NCKAP5: variants seen among roughly 807,000 people sequenced by gnomAD.
NCKAP5 encodes NCK associated protein 5.
A neutral mutation model predicts 167.0 loss-of-function variants in NCKAP5; 92 were observed. That is an observed-to-expected ratio of 0.55 (90% CI 0.47 to 0.66). The LOEUF (loss-of-function observed/expected upper bound fraction) is 0.66. NCKAP5 is among the 30% of genes least tolerant of loss of function. The pLI, the probability that NCKAP5 is intolerant of heterozygous loss-of-function variation, is 0.00. For missense variants in NCKAP5, 2,378 were observed against 2,315.0 expected, an observed-to-expected ratio of 1.03 and a Z score of -0.56; for synonymous variants, 891 against 877.4, an observed-to-expected ratio of 1.02 and a Z score of -0.27.
At chr2:133,651,292 A>C in the NCKAP5 span, among the ~76,000 whole-genome samples, 1 of 152,324 alleles carries the variant, frequency 6.6e-6, no homozygotes, top group African/African-American at 2.4e-5. Flanking sequence ...GACTCCTGCT[A>C]TTCAAGAGTA....
At chr2:133,293,187 A>G (rs866981611) in intron 4 of NCKAP5, among the ~76,000 whole-genome samples, 1 of 152,222 alleles carries the variant, frequency 6.6e-6, no homozygotes, top group African/African-American at 2.4e-5. Context: ...TTTAGAGTGA[A>G]GAGGAAGGGA....
At chr2:133,291,811 A>G (rs75523918) in intron 4 of NCKAP5, among the ~76,000 whole-genome samples, 1,856 of 152,330 alleles carry the variant, frequency 0.012, 41 homozygotes, top group African/African-American at 0.043. Context: ...ACACAGCTCT[A>G]CCAACGACTT....
chr2:133,407,921 C>A (rs760157576), intron 3 of NCKAP5, among the ~76,000 whole-genome samples: 1 of 152,166 alleles, frequency 6.6e-6, no homozygotes, highest in African/African-American at 2.4e-5. Context: ...GAAAGTCTCA[C>A]GATCCTAGGT....
At chr2:133,589,412 T>A in the NCKAP5 span, among the ~76,000 whole-genome samples, 915 of 152,174 alleles carry the variant, frequency 6.0e-3, 29 homozygotes, top group Admixed American at 0.053. Context: ...CACGGGGGAA[T>A]TGGGAGTCTG....
chr2:133,037,163 T>C (rs2079065261), intron 6 of NCKAP5, among the ~76,000 whole-genome samples: 2 of 152,092 alleles, frequency 1.3e-5, no homozygotes, highest in African/African-American at 4.8e-5. Context: ...CATCAATAAA[T>C]GGAATAACAT....
At chr2:133,058,414 A>G (rs1006940414) in intron 6 of NCKAP5, among the ~76,000 whole-genome samples, 2 of 152,224 alleles carry the variant, frequency 1.3e-5, no homozygotes, top group African/African-American at 4.8e-5. Flanking sequence ...CATGAAGAAC[A>G]TTTGTGATTC....
chr2:132,882,940 C>A (rs1691883465), intron 8 of NCKAP5, among the ~76,000 whole-genome samples: 1 of 152,014 alleles, frequency 6.6e-6, no homozygotes, highest in African/African-American at 2.4e-5. Context: ...CACCTATAAT[C>A]TCAGCACTTT....
rs186110434 is a variant in NCKAP5, at chr2:133,263,800, G to A, written c.143+39237C>T. ...GGTAAAAATGACCAAAACCTTGATT[G>A]TCTTCATTATGGCTCACATAAGGCA... On this transcript the variant is annotated intron_variant, in intron 4 of 19. Coordinates refer to ENST00000409261, the MANE Select transcript of NCKAP5 (RefSeq NM_207363.3). Among the ~76,000 whole-genome samples, 311 of 152,218 alleles carry A rather than the reference G, an allele frequency of 2.0e-3. 1 individual carries two copies. Among genetic ancestry groups the A allele is most frequent in the Non-Finnish European group, 2.6e-3 (176 of 68,010 alleles).
chr2:133,315,979 G>A (rs1681581733), intron 3 of NCKAP5, among the ~76,000 whole-genome samples: 1 of 152,150 alleles, frequency 6.6e-6, no homozygotes, highest in Non-Finnish European at 1.5e-5. Flanking sequence ...TGGGGCTACG[G>A]AGGCCCTTGG....
intron 4 of NCKAP5, among the ~76,000 whole-genome samples, chr2:133,292,178 C>A (rs577871549): frequency 6.6e-6 from 1 of 151,970 alleles, no homozygotes; most frequent in Non-Finnish European, 1.5e-5. Flanking sequence ...TATATCCTAA[C>A]GGTACCTTTT....
At chr2:133,671,006 G>A in the NCKAP5 span, among the ~76,000 whole-genome samples, 3 of 152,032 alleles carry the variant, frequency 2.0e-5, no homozygotes, top group Non-Finnish European at 4.4e-5. Flanking sequence ...ACGAGGTCAG[G>A]AGATCGACAC....
At chr2:133,271,974 TTTA>T (rs1465726828) in intron 4 of NCKAP5, among the ~76,000 whole-genome samples, 1 of 152,132 alleles carries the variant, frequency 6.6e-6, no homozygotes, top group Non-Finnish European at 1.5e-5. Context: ...AGATAAATAT[TTTA>T]TTATTCTGGT....
At chr2:133,429,960 T>C (rs1690053472) in intron 3 of NCKAP5, among the ~76,000 whole-genome samples, 1 of 152,218 alleles carries the variant, frequency 6.6e-6, no homozygotes, top group Non-Finnish European at 1.5e-5. Context: ...GTGTTCCCTT[T>C]TTCTCCACAA....
At chr2:133,320,369 G>A (rs1056596488) in intron 3 of NCKAP5, among the ~76,000 whole-genome samples, 1 of 152,040 alleles carries the variant, frequency 6.6e-6, no homozygotes, top group Admixed American at 6.6e-5. Flanking sequence ...CACTTGTCAC[G>A]GGGCTCTCTA....
At chr2:133,153,929 A>C (rs34272763) in intron 5 of NCKAP5, among the ~76,000 whole-genome samples, 31,735 of 141,054 alleles carry the variant, frequency 0.22, 3,519 homozygotes, top group Middle Eastern at 0.27. Context: ...TCCTCCCCCC[A>C]AGAAGGGTTC....
chr2:133,226,354 A>T (rs922354430), intron 4 of NCKAP5, among the ~76,000 whole-genome samples: 1 of 152,156 alleles, frequency 6.6e-6, no homozygotes, highest in Non-Finnish European at 1.5e-5. Context: ...TACAATGATG[A>T]GTGAGACTCA....
chr2:132,789,981 G>A (rs1282020448), intron 13 of NCKAP5, 42 bp downstream of exon 13: 2 of 1,552,036 alleles, frequency 1.3e-6, no homozygotes, highest in African/African-American at 1.4e-5. Flanking sequence ...CCTACCAGAA[G>A]AGGATTCTTT....
At chr2:133,260,194 G>A (rs979608009) in intron 4 of NCKAP5, among the ~76,000 whole-genome samples, 10 of 152,140 alleles carry the variant, frequency 6.6e-5, no homozygotes, top group African/African-American at 1.2e-4. Context: ...TTCAATATTA[G>A]AATAAAGAAC....
Position 133,019,929 on chromosome 2 carries a change from C to G in NCKAP5, c.342-25690G>C, listed in dbSNP as rs565423192. ...GAGCCTGCACACTGCTATGGGAGAG[C>G]ACTGGGGCAGCTGCCTGCCTTCTCC... On this transcript the variant is annotated intron_variant, in intron 6 of 19. Transcript: ENST00000409261. 2.6e-5 allele frequency among the ~76,000 whole-genome samples: 4 copies of G among 152,360 alleles called. No individual in the cohort carries two copies. In the East Asian group the frequency reaches 7.7e-4, roughly 29 times the overall value.
Sources: allele counts gnomAD v4.1 joint callset (sites outside exome capture counted in the v4.1 genomes callset), GRCh38; gene constraint gnomAD v4.1.1; transcripts MANE v1.5; gene names NCBI Gene and HGNC (gene_info 2026-07-23, HGNC 2026-07-21).